Variants in ZNF407 observed in about 807,000 individuals in gnomAD.
ZNF407 encodes zinc finger protein 407.
In ZNF407, 17 loss-of-function variants were observed where a neutral mutation model predicts 131.2. That is an observed-to-expected ratio of 0.13 (90% CI 0.09 to 0.19). The LOEUF (loss-of-function observed/expected upper bound fraction) is 0.19. Ranked by LOEUF, ZNF407 falls within the 10% of genes least tolerant of loss-of-function variation. ZNF407 has a pLI of 1.00. For missense variants in ZNF407, 2,681 were observed against 2,830.6 expected, an observed-to-expected ratio of 0.95 and a Z score of 1.20; for synonymous variants, 1,156 against 1,062.0, an observed-to-expected ratio of 1.09 and a Z score of -1.72.
intron 1 of ZNF407, among the ~76,000 whole-genome samples, chr18:74,604,294 G>T (rs747335563): frequency 2.0e-5 from 3 of 152,186 alleles, no homozygotes; most frequent in Non-Finnish European, 4.4e-5. Flanking sequence ...TTGCATCCGT[G>T]TGGCAAGTTC....
chr18:74,888,545 A>T (rs1971342324), intron 6 of ZNF407, among the ~76,000 whole-genome samples: 2 of 152,318 alleles, frequency 1.3e-5, no homozygotes, highest in Non-Finnish European at 2.9e-5. Context: ...GAAATATATG[A>T]TCTATATTTA....
chr18:75,013,806 T>A (rs149621052), intron 8 of ZNF407, among the ~76,000 whole-genome samples: 78 of 152,254 alleles, frequency 5.1e-4, no homozygotes, highest in African/African-American at 1.8e-3. Context: ...AGTGTACTGC[T>A]TGCCTTATGT....
chr18:74,808,338 A>G (rs1439522139), intron 4 of ZNF407, among the ~76,000 whole-genome samples: 1 of 152,094 alleles, frequency 6.6e-6, no homozygotes, highest in East Asian at 1.9e-4. Context: ...TTTATATTTT[A>G]GTATCTTTGC....
intron 8 of ZNF407, among the ~76,000 whole-genome samples, chr18:75,004,205 T>C (rs1972880391): frequency 6.6e-6 from 1 of 152,144 alleles, no homozygotes; most frequent in Non-Finnish European, 1.5e-5. Context: ...CGGTGTTAAG[T>C]GGCAGTGAGA....
rs759991520 is a variant in ZNF407, at chr18:74,733,705, C to T, written c.4803-47723C>T. On this transcript the variant is annotated intron_variant, in intron 3 of 8. Transcript: ENST00000299687. ...TGTCATCTACAATCATGTTAATCCT[C>T]GTGAGCCTGGACTATTGGAACTGAA... 7.9e-5 allele frequency among the ~76,000 whole-genome samples: 12 copies of T among 152,284 alleles called. No homozygotes were observed. The South Asian group carries it at 1.5e-3, about 18-fold the overall frequency.
At chr18:74,873,703 C>T (rs901837561) in intron 4 of ZNF407, among the ~76,000 whole-genome samples, 1 of 151,372 alleles carries the variant, frequency 6.6e-6, no homozygotes, top group African/African-American at 2.4e-5. Context: ...AGGGTAAGAC[C>T]CTGGCTCTTA....
chr18:74,667,381 C>A (rs1480549319), intron 3 of ZNF407, among the ~76,000 whole-genome samples: 2 of 152,212 alleles, frequency 1.3e-5, no homozygotes, highest in Non-Finnish European at 2.9e-5. Context: ...GTACATACAG[C>A]TTTAATAACA....
intron 8 of ZNF407, among the ~76,000 whole-genome samples, chr18:75,016,616 G>T (rs529713394): frequency 1.3e-5 from 2 of 152,152 alleles, no homozygotes; most frequent in East Asian, 3.9e-4. Flanking sequence ...GTCCACCTAA[G>T]ATACGGAATT....
At chr18:74,891,657 A>G (rs1183365137) in intron 7 of ZNF407, among the ~76,000 whole-genome samples, 1 of 152,202 alleles carries the variant, frequency 6.6e-6, no homozygotes, top group African/African-American at 2.4e-5. Context: ...TTAGAGGTAG[A>G]CATAGAAATT....
At chr18:74,950,944 T>A (rs1972206808) in intron 8 of ZNF407, among the ~76,000 whole-genome samples, 1 of 152,222 alleles carries the variant, frequency 6.6e-6, no homozygotes, top group Non-Finnish European at 1.5e-5. Context: ...CCGAATTGAT[T>A]GTCTCAACTG....
At chr18:74,664,316 A>G (rs1043766239) in intron 3 of ZNF407, among the ~76,000 whole-genome samples, 7 of 152,200 alleles carry the variant, frequency 4.6e-5, no homozygotes, top group Non-Finnish European at 8.8e-5. Context: ...CCTGGCCAAC[A>G]TGGTGAAACC....
chr18:74,633,394 C>A lies in ZNF407; in HGVS notation c.2375C>A (p.Ser792Tyr). The change falls in exon 2 of 9, where the codon TCC (serine) becomes TAC (tyrosine). Residue 792 changes from serine to tyrosine, a missense_variant. Physicochemically the swap from Ser to Tyr is moderately radical, Grantham distance 144. Around this residue, in one of 6 missense-constraint regions of ZNF407, gnomAD observed 1,789 missense variants for 1,748.7 expected, o/e 1.02. Transcript: ENST00000299687. ...ANDKKEEFDVSGNGRIEGHIG... is the reference protein window; with the variant it reads ...ANDKKEEFDVYGNGRIEGHIG... ...GATAAAAAAGAAGAGTTTGATGTTT[C>A]CGGAAATGGAAGGATTGAAGGCCAT... 2 of 1,613,864 alleles carry A rather than the reference C, an allele frequency of 1.2e-6. No individual in the cohort carries two copies.
In ZNF407 at chr18:74,635,362, T is replaced by G; in HGVS notation, c.4343T>G (p.Leu1448Arg). ...PTKEKHFHCLLCGKSFYTESN... is the reference protein window; with the variant it reads ...PTKEKHFHCLRCGKSFYTESN... ...AAAGAGAAGCACTTCCATTGTTTAC[T>G]CTGTGGAAAGTCGTTCTATACCGAA... Residue 1448 changes from leucine to arginine, a missense_variant, in exon 2 of 9, where the codon CTC (leucine) becomes CGC (arginine). Physicochemically the swap from Leu to Arg is moderately radical, Grantham distance 102 (BLOSUM62 -2). Transcript: ENST00000299687. The surrounding 1 kb of genome is among the most constrained non-coding windows in gnomAD (Gnocchi z 4.7). 1 of 1,614,012 alleles carries G rather than the reference T, an allele frequency of 6.2e-7. No individual in the cohort carries two copies. Among genetic ancestry groups the G allele is most frequent in the South Asian group, 1.1e-5 (1 of 91,072 alleles).
intron 8 of ZNF407, among the ~76,000 whole-genome samples, chr18:74,969,676 G>A (rs577233151): frequency 3.6e-4 from 55 of 152,208 alleles, no homozygotes; most frequent in Non-Finnish European, 7.3e-4. Flanking sequence ...GCAAGGGGAA[G>A]AGGGTCTTGG....
intron 3 of ZNF407, among the ~76,000 whole-genome samples, chr18:74,674,137 G>C (rs1474582742): frequency 6.6e-6 from 1 of 152,086 alleles, no homozygotes; most frequent in Non-Finnish European, 1.5e-5. Context: ...AAAATCTAAG[G>C]CTTTTGTTTT....
At chr18:75,055,354 C>T (rs1362503465) in intron 8 of ZNF407, among the ~76,000 whole-genome samples, 1 of 152,180 alleles carries the variant, frequency 6.6e-6, no homozygotes, top group Middle Eastern at 3.2e-3. Context: ...CACGATCTCT[C>T]TGTGTAGCTC....
intron 3 of ZNF407, among the ~76,000 whole-genome samples, chr18:74,658,063 C>A (rs901820220): frequency 7.9e-5 from 12 of 151,554 alleles, no homozygotes; most frequent in Admixed American, 6.6e-4. Context: ...ATCTTACATC[C>A]TTCTCCAATT....
At chr18:74,755,767 T>TTCTTTCTTTCTTTCTTTCTC (rs1968934545) in intron 3 of ZNF407, among the ~76,000 whole-genome samples, 1 of 129,032 alleles carries the variant, frequency 7.8e-6, no homozygotes, top group Non-Finnish European at 1.6e-5. Context: ...CTTTCTTTCT[T>TTCTTTCTTTCTTTCTTTCTC]TCTTTCTCTC....
At chr18:74,827,374 G>C (rs1168489630) in intron 4 of ZNF407, among the ~76,000 whole-genome samples, 4 of 151,998 alleles carry the variant, frequency 2.6e-5, no homozygotes, top group Non-Finnish European at 5.9e-5. Context: ...TTTTTCTGTT[G>C]ACATTTCTTT....
Sources: allele counts gnomAD v4.1 joint callset (sites outside exome capture counted in the v4.1 genomes callset), GRCh38; gene constraint gnomAD v4.1.1; regional missense constraint gnomAD v4.1.1; non-coding constraint Gnocchi (gnomAD v3.1); transcripts MANE v1.5; gene names NCBI Gene and HGNC (gene_info 2026-07-23, HGNC 2026-07-21).